The following SEC14L1 variants were observed in gnomAD, a reference collection of about 807,000 sequenced individuals.
SEC14L1 encodes the protein SEC14 like lipid binding 1.
In SEC14L1, 48 loss-of-function variants were observed where a neutral mutation model predicts 85.3. That is an observed-to-expected ratio of 0.56 (90% confidence interval 0.45 to 0.72). The LOEUF (loss-of-function observed/expected upper bound fraction) is 0.72. Ranked by LOEUF, SEC14L1 falls within the 30% of genes least tolerant of loss-of-function variation. The probability of loss-of-function intolerance (pLI) is 0.00; values close to 1 mark genes in which losing one functional copy is unlikely to be tolerated. For synonymous variants in SEC14L1, 391 were observed against 355.5 expected (o/e 1.10, Z -1.12); for missense variants, 682 against 921.4 (o/e 0.74, Z 3.36).
chr17:77,161,201 A>G (rs1458303211), intron 3 of SEC14L1, among the ~76,000 whole-genome samples: 1 of 152,250 alleles, frequency 6.6e-6, no homozygotes, highest in Non-Finnish European at 1.5e-5. Context: ...TAATAAAAAT[A>G]ACTGGCCAGT....
At chr17:77,207,065 A>G (rs746456789) in intron 13 of SEC14L1, among the ~76,000 whole-genome samples, 3 of 152,242 alleles carry the variant, frequency 2.0e-5, no homozygotes, top group Non-Finnish European at 4.4e-5. Flanking sequence ...ACATTTCTTC[A>G]TTGTTAAATA....
At chr17:77,162,139 C>T (rs772896549) in intron 3 of SEC14L1, among the ~76,000 whole-genome samples, 2 of 152,082 alleles carry the variant, frequency 1.3e-5, no homozygotes, top group African/African-American at 4.8e-5. Context: ...CTTTCTGCAC[C>T]GGACCCCAGT....
chr17:77,170,224 A>G (rs1974465294), intron 3 of SEC14L1, among the ~76,000 whole-genome samples: 2 of 152,044 alleles, frequency 1.3e-5, no homozygotes, highest in Non-Finnish European at 1.5e-5. Context: ...AGACAGATTA[A>G]ACTTTCTTTT....
intron 3 of SEC14L1, among the ~76,000 whole-genome samples, chr17:77,124,899 T>C (rs1049654850): frequency 6.6e-6 from 1 of 152,074 alleles, no homozygotes; most frequent in African/African-American, 2.4e-5. Context: ...CATCAGAGAA[T>C]AAGCTTTATC....
intron 3 of SEC14L1, chr17:77,095,043 C>G (rs935063279): frequency 6.6e-6 from 1 of 152,234 alleles, no homozygotes; most frequent in African/African-American, 2.4e-5. Flanking sequence ...GCCGGCTTCC[C>G]CACAGGGGCT....
chr17:77,101,846 A>T (rs1598218913), intron 3 of SEC14L1, among the ~76,000 whole-genome samples: 2 of 152,256 alleles, frequency 1.3e-5, no homozygotes, highest in East Asian at 3.9e-4. Context: ...AATTCCTTTA[A>T]ACCAGCGTCC....
intron 9 of SEC14L1, among the ~76,000 whole-genome samples, chr17:77,201,214 C>G (rs1976122545): frequency 6.6e-6 from 1 of 152,118 alleles, no homozygotes; most frequent in African/African-American, 2.4e-5. Flanking sequence ...CAAATGCCTT[C>G]CATACCCTGC....
At position 77,214,215 on chromosome 17, in the gene SEC14L1, C is replaced by T; in HGVS notation, c.*192C>T. 7.2e-7 allele frequency: 1 copy of T among 1,393,430 alleles called. No homozygotes were observed. The highest frequency in any genetic ancestry group is 9.3e-7 in the Non-Finnish European group (1 of 1,077,476). The allele number at this position is 1,393,430 out of a possible 1,614,324, so 86.3% of individuals were successfully genotyped here. On this transcript the variant is annotated 3_prime_UTR_variant, in exon 17 of 17. Coordinates refer to ENST00000436233, the MANE Select transcript of SEC14L1 (RefSeq NM_001143998.2). ...CAGGTAGTTTTAACTCTGATCCTAA[C>T]TTAACTCAATAGCCATAGATTTTGT... is the stretch of plus-strand genomic sequence containing the variant.
intron 14 of SEC14L1, chr17:77,211,224 G>C (rs1976735294): frequency 6.6e-6 from 1 of 152,478 alleles, no homozygotes; most frequent in Non-Finnish European, 1.5e-5. Flanking sequence ...AGGGGCCGTG[G>C]GCCTGGCTCT....
intron 14 of SEC14L1, 33 bp downstream of exon 14, chr17:77,209,509 C>A: frequency 6.2e-7 from 1 of 1,608,276 alleles, no homozygotes. Context: ...CCTGGGCCGG[C>A]CCTTCCTCCG....
chr17:77,110,271 A>G (rs1416946027), intron 3 of SEC14L1, among the ~76,000 whole-genome samples: 1 of 152,294 alleles, frequency 6.6e-6, no homozygotes, highest in South Asian at 2.1e-4. Flanking sequence ...AGTGGCTTGC[A>G]TTGTTGGACA....
rs1408233951 is a variant in SEC14L1 at position 77,209,389 on chromosome 17, T to C, written c.1524T>C (p.Thr508=). 1 of 1,614,188 alleles carries C rather than the reference T, an allele frequency of 6.2e-7. No homozygotes were observed. The highest frequency in any genetic ancestry group is 1.6e-4 in the Middle Eastern group (1 of 6,062). ...TGGTCCCCAAATCTCTGTACCGGACTGCAGAGGAGCTGGAGAACGAAGACC... is the reference window on the plus strand; with the variant it reads ...TGGTCCCCAAATCTCTGTACCGGACCGCAGAGGAGCTGGAGAACGAAGACC... ...GGLVPKSLYR[T]AEELENEDLK... Residue 508 remains threonine (T), a synonymous_variant, in exon 14 of 17, where the codon ACT becomes ACC. Coordinates refer to ENST00000436233, the MANE Select transcript of SEC14L1 (RefSeq NM_001143998.2).
At chr17:77,189,714 C>T (rs1033725532) in intron 3 of SEC14L1, among the ~76,000 whole-genome samples, 1 of 152,160 alleles carries the variant, frequency 6.6e-6, no homozygotes, top group Non-Finnish European at 1.5e-5. Context: ...CTGCAAGCTC[C>T]GCTTTCTGGG....
intron 3 of SEC14L1, among the ~76,000 whole-genome samples, chr17:77,115,437 T>A (rs946424846): frequency 2.6e-5 from 4 of 152,016 alleles, no homozygotes; most frequent in African/African-American, 7.2e-5. Context: ...CTCAAAAAAA[T>A]AAATAAATAA....
At chr17:77,103,917 C>T (rs1337620889) in intron 3 of SEC14L1, among the ~76,000 whole-genome samples, 1 of 151,294 alleles carries the variant, frequency 6.6e-6, no homozygotes, top group Non-Finnish European at 1.5e-5. Flanking sequence ...ATGACCTGCT[C>T]CAGAGCCTGT....
intron 3 of SEC14L1, among the ~76,000 whole-genome samples, chr17:77,187,251 AT>A: frequency 6.6e-6 from 1 of 152,288 alleles, no homozygotes; most frequent in East Asian, 1.9e-4. Context: ...GGTGACATCT[AT>A]CAGTCAAGCA....
intron 3 of SEC14L1, among the ~76,000 whole-genome samples, chr17:77,097,356 G>T (rs938553637): frequency 8.5e-5 from 13 of 152,162 alleles, no homozygotes; most frequent in Non-Finnish European, 1.5e-4. Flanking sequence ...ACAAGGTCAA[G>T]AGATCAAGAC....
chr17:77,214,861 C>A lies in SEC14L1; in HGVS notation c.*838C>A. The A allele has an allele frequency of 1.0e-6, 1 of 985,472 alleles. No individual in the cohort carries two copies. 61.0% of individuals were successfully genotyped at this position (985,472 alleles called of 1,614,324 possible). ...CCAGTGTAGGCCATCTCCTCTGTGCCCTCTGGTGGCTCATTGTCCTCAGAG... is the reference window on the plus strand; with the variant it reads ...CCAGTGTAGGCCATCTCCTCTGTGCACTCTGGTGGCTCATTGTCCTCAGAG... On this transcript the variant is annotated 3_prime_UTR_variant, in exon 17 of 17. Coordinates refer to ENST00000436233, the MANE Select transcript of SEC14L1 (RefSeq NM_001143998.2).
At position 77,215,892 on chromosome 17, in the gene SEC14L1, C is replaced by T. The variant is rs878937132; in HGVS notation, c.*1869C>T. 6.5e-6 allele frequency: 6 copies of T among 918,018 alleles called. No homozygotes were observed. The African/African-American group carries it at 8.0e-5, about 12-fold the overall frequency. The allele number at this position is 918,018 out of a possible 1,614,324, so 56.9% of individuals were successfully genotyped here. On this transcript the variant is annotated 3_prime_UTR_variant, in exon 17 of 17. Transcript: ENST00000436233. ...GTAGGTAGGGTTCGTAGGTAGGGTT[C>T]GTAGGTAGGGCTAGTAGGTAGGGTT...
Sources: allele counts gnomAD v4.1 joint callset (sites outside exome capture counted in the v4.1 genomes callset), GRCh38; gene constraint gnomAD v4.1.1; transcripts MANE v1.5; gene names NCBI Gene and HGNC (gene_info 2026-07-23, HGNC 2026-07-21).